MMADHC: variants seen among roughly 807,000 people sequenced by gnomAD.
The protein encoded by MMADHC is metabolism of cobalamin associated D.
In MMADHC, 23 loss-of-function variants were observed where a neutral mutation model predicts 36.3. That is an observed-to-expected ratio of 0.63 (90% CI 0.46 to 0.90). The LOEUF is 0.90. MMADHC is among the 40% of genes least tolerant of loss of function. The pLI is 0.00. For synonymous variants in MMADHC, 97 were observed against 116.1 expected, an observed-to-expected ratio of 0.84 and a Z score of 1.06; for missense variants, 330 against 348.0, an observed-to-expected ratio of 0.95 and a Z score of 0.41.
At chr2:149,572,244 C>G (rs1417265819) in intron 6 of MMADHC, 6 of 424,262 alleles carry the variant, frequency 1.4e-5, no homozygotes, top group Non-Finnish European at 2.3e-5. Flanking sequence ...GAGGCTGAAG[C>G]AGAAGAATTG....
At position 149,582,800 on chromosome 2, in the gene MMADHC, A is replaced by G. The variant is rs114914982; in HGVS notation, c.10-529T>C. Among the ~76,000 whole-genome samples, 242 of 152,234 alleles carry G rather than the reference A, an allele frequency of 1.6e-3. 2 individuals carry two copies. Among genetic ancestry groups the G allele is most frequent in the African/African-American group, 5.7e-3 (235 of 41,552 alleles). On this transcript the variant is annotated intron_variant, in intron 2 of 7. Coordinates refer to ENST00000303319, the MANE Select transcript of MMADHC (RefSeq NM_015702.3). ...CTTTGTGGTATATTTTTTTCTGCTTATATGTTCACTTACTAGACAGTGAGG... is the reference window on the plus strand; with the variant it reads ...CTTTGTGGTATATTTTTTTCTGCTTGTATGTTCACTTACTAGACAGTGAGG...
rs1282238457 is a variant in MMADHC at position 149,575,759 on chromosome 2, A to C, written c.561T>G (p.Thr187=). ...TVTQKTKNDM[T]VWSEEVEIER... ...CAATTTCTACTTCTTCACTCCAAAC[A>C]GTCATATCATTCTTAGTTTTTTGTG... The change falls in exon 6 of 8, where the codon ACT becomes ACG. Residue 187 remains threonine (T), a synonymous_variant. Transcript: ENST00000303319. 6 of 1,609,446 alleles carry C rather than the reference A, an allele frequency of 3.7e-6. No individual in the cohort carries two copies. The highest frequency in any genetic ancestry group is 1.7e-5 in the Admixed American group (1 of 59,736).
rs1346885503 is a variant in MMADHC, at chr2:149,569,647, ATG to A, written c.*325_*326del. ...TGAAAACACACATTATTGTAACCAA[ATG>A]TGTGATTTATTTTGGGAAGAAAATA... On this transcript the variant is annotated 3_prime_UTR_variant, in exon 8 of 8. Coordinates refer to ENST00000303319, the MANE Select transcript of MMADHC (RefSeq NM_015702.3). 1 of 186,056 alleles carries A rather than the reference ATG, an allele frequency of 5.4e-6. No homozygotes were observed. The highest frequency in any genetic ancestry group is 1.1e-5 in the Non-Finnish European group (1 of 89,114). 11.5% of individuals were successfully genotyped at this position (186,056 alleles called of 1,614,324 possible).
At position 149,587,127 on chromosome 2, in the gene MMADHC, G is replaced by C. The variant is rs371370642; in HGVS notation, c.-30C>G. The stretch of plus-strand genomic sequence containing the variant: ...GCTGGAGAAGATAGTTCGCAAAATA[G>C]CTTTCCTTTGGTAAAGTTATTTCTG... On this transcript the variant is annotated 5_prime_UTR_variant, in exon 2 of 8. Coordinates refer to ENST00000303319, the MANE Select transcript of MMADHC (RefSeq NM_015702.3). The C allele has an allele frequency of 6.2e-7, 1 of 1,610,678 alleles. No homozygotes were observed. Among genetic ancestry groups the C allele is most frequent in the African/African-American group, 1.3e-5 (1 of 74,964 alleles).
chr2:149,574,002 C>A (rs115360631), intron 6 of MMADHC, among the ~76,000 whole-genome samples: 3,899 of 151,700 alleles, frequency 0.026, 87 homozygotes, highest in Non-Finnish European at 0.042. Flanking sequence ...GGTGTGGTTC[C>A]AAAATAATCA....
At chr2:149,572,346 A>AAAAAAAAAC in intron 6 of MMADHC, 1 of 320,146 alleles carries the variant, frequency 3.1e-6, no homozygotes, top group Non-Finnish European at 6.1e-6. Flanking sequence ...AAAAAAAAAA[A>AAAAAAAAAC]ATCAAGGGCA....
intron 6 of MMADHC, among the ~76,000 whole-genome samples, chr2:149,574,912 A>AC (rs1682691412): frequency 6.6e-6 from 1 of 152,058 alleles, no homozygotes; most frequent in Admixed American, 6.5e-5. Flanking sequence ...GTGATCCGCC[A>AC]CCTCAGCCTC....
Position 149,570,068 on chromosome 2 carries a change from C to T in MMADHC, c.797G>A (p.Arg266His), listed in dbSNP as rs756696379. 13 of 1,613,454 alleles carry T rather than the reference C, an allele frequency of 8.1e-6. No individual in the cohort carries two copies. Among genetic ancestry groups the T allele is most frequent in the East Asian group, 6.7e-5 (3 of 44,812 alleles). The change falls in exon 8 of 8, where the codon CGT becomes CAT. Residue 266 changes from arginine (R) to histidine (H), a missense_variant. By Grantham distance (29) the Arg-to-His change is conservative. Transcript: ENST00000303319. ...TACATGGGTACCCCAGAGACTATGA[C>T]GAATCACTTTACAGCATCCAAGGTC... is the stretch of plus-strand genomic sequence containing the variant. ...VDDLGCCKVI[R>H]HSLWGTHVVV...
chr2:149,570,199 A>G, intron 7 of MMADHC, 31 bp from the exon 8 acceptor site: 1 of 1,542,222 alleles, frequency 6.5e-7, no homozygotes, highest in Non-Finnish European at 8.9e-7. Context: ...TATTCTCATT[A>G]GTAAGAAAGA....
At chr2:149,585,474 C>T (rs964772112) in intron 2 of MMADHC, among the ~76,000 whole-genome samples, 1 of 152,120 alleles carries the variant, frequency 6.6e-6, no homozygotes, top group African/African-American at 2.4e-5. Context: ...CACAGTGTTG[C>T]AAGATATTTG....
At chr2:149,576,727 G>C (rs1342877138) in intron 4 of MMADHC, among the ~76,000 whole-genome samples, 185 bp from the exon 5 acceptor site, 3 of 152,240 alleles carry the variant, frequency 2.0e-5, no homozygotes, top group Middle Eastern at 3.4e-3. Flanking sequence ...ATGAATATAA[G>C]ATTTGGAAGT....
intron 6 of MMADHC, among the ~76,000 whole-genome samples, chr2:149,573,794 C>G (rs907080612): frequency 2.0e-5 from 3 of 151,922 alleles, no homozygotes; most frequent in African/African-American, 7.3e-5. Flanking sequence ...ATGTGTCATA[C>G]ATAAACACTA....
At chr2:149,578,620 G>A (rs1046517827) in intron 4 of MMADHC, among the ~76,000 whole-genome samples, 1 of 152,092 alleles carries the variant, frequency 6.6e-6, no homozygotes, top group Admixed American at 6.5e-5. Flanking sequence ...AAACTTATGG[G>A]AAATGTAATT....
rs1682704312 is a variant in MMADHC, at chr2:149,575,701, A to G, written c.609+10T>C. Reference sequence around the variant, plus strand: ...CATAAAATTAAATTATTAGCAATTGAAAGAATTACCTTTTCTAAGAGCACT... The same window carrying G: ...CATAAAATTAAATTATTAGCAATTGGAAGAATTACCTTTTCTAAGAGCACT... On this transcript the variant is annotated intron_variant, in intron 6 of 7. Transcript: ENST00000303319. 1 of 1,582,982 alleles carries G rather than the reference A, an allele frequency of 6.3e-7. No individual in the cohort carries two copies. Among genetic ancestry groups the G allele is most frequent in the Non-Finnish European group, 8.6e-7 (1 of 1,163,092 alleles).
At chr2:149,587,176 G>A (rs1018771860) in intron 1 of MMADHC, 27 bp from the exon 2 acceptor site, 34 of 1,318,270 alleles carry the variant, frequency 2.6e-5, no homozygotes, top group Non-Finnish European at 3.5e-5. Context: ...CAAAACAGAC[G>A]AGTGATCGAT....
chr2:149,575,039 C>T (rs1299657091), intron 6 of MMADHC, among the ~76,000 whole-genome samples: 1 of 152,168 alleles, frequency 6.6e-6, no homozygotes. Context: ...AGCAATCCTC[C>T]AGCCTCAGCC....
chr2:149,578,782 T>TA (rs970811019), intron 4 of MMADHC, among the ~76,000 whole-genome samples: 89 of 150,616 alleles, frequency 5.9e-4, no homozygotes, highest in East Asian at 2.7e-3. Flanking sequence ...ATGGCTTTGA[T>TA]AAAAAAAAAC....
intron 5 of MMADHC, among the ~76,000 whole-genome samples, chr2:149,576,090 C>A (rs550867360): frequency 6.6e-6 from 1 of 152,022 alleles, no homozygotes; most frequent in African/African-American, 2.4e-5. Context: ...TAGGATTACA[C>A]GTTATTTGGG....
rs531319520 is a variant in MMADHC, at chr2:149,587,211, G to A, written c.-52-62C>T. On this transcript the variant is annotated intron_variant, in intron 1 of 7. Transcript: ENST00000303319. ...TTAAACTCTAACAACAGACAACTGA[G>A]GTAACGTCCACTCTTCGAAGGTGTG... The A allele has an allele frequency of 3.6e-5, 37 of 1,016,814 alleles. No homozygotes were observed. The East Asian group carries it at 7.4e-4, about 20-fold the overall frequency. The allele number at this position is 1,016,814 out of a possible 1,614,324, so 63.0% of individuals were successfully genotyped here. A position where few individuals can be genotyped will look rare whatever the true frequency, so the allele number is the denominator to read the frequency against.
Sources: gnomAD v4.1 joint callset for allele counts (sites outside exome capture counted in the v4.1 genomes callset) on GRCh38, gnomAD v4.1.1 for gene constraint, MANE v1.5 for transcripts, NCBI Gene and HGNC (gene_info 2026-07-23, HGNC 2026-07-21) for gene names.